The following MGAT5 variants were observed in gnomAD, a reference collection of about 807,000 sequenced individuals.
MGAT5 encodes alpha-1,6-mannosylglycoprotein 6-beta-N-acetylglucosaminyltransferase, also known as alpha-1,6-mannosylglycoprotein 6-beta-N-acetylglucosaminyltransferase A.
In MGAT5, 30 loss-of-function variants were observed where a neutral mutation model predicts 94.3. That is an observed-to-expected ratio of 0.32 (90% CI 0.24 to 0.43). The LOEUF (loss-of-function observed/expected upper bound fraction) is 0.43, where lower values mean the gene tolerates loss of function less well. Among genes scored for constraint, MGAT5 ranks in the 20% least tolerant of loss-of-function variants. MGAT5 has a pLI of 1.00. For synonymous variants in MGAT5, 310 were observed against 322.9 expected, an observed-to-expected ratio of 0.96 and a Z score of 0.43; for missense variants, 691 against 905.5, an observed-to-expected ratio of 0.76 and a Z score of 3.04.
chr2:134,201,937 A>G (rs1343721353), intron 1 of MGAT5, among the ~76,000 whole-genome samples: 1 of 149,970 alleles, frequency 6.7e-6, no homozygotes, highest in South Asian at 2.1e-4. Context: ...CAAAGATGCC[A>G]GGGTTTGGTA....
chr2:134,350,002 C>T lies in MGAT5; in HGVS notation c.1246+64C>T, dbSNP rs111342277. The T allele has an allele frequency of 6.6e-4, 1,041 of 1,578,454 alleles. 8 individuals carry two copies. The African/African-American group carries it at 0.012, about 18-fold the overall frequency. ...ACCAAAGATAGATGGGAAAATTAGCCGCCATCTATTTTGGGTTATGATTCT... is the reference window on the plus strand; with the variant it reads ...ACCAAAGATAGATGGGAAAATTAGCTGCCATCTATTTTGGGTTATGATTCT... On this transcript the variant is annotated intron_variant, in intron 9 of 15. Coordinates refer to ENST00000281923, the MANE Select transcript of MGAT5 (RefSeq NM_002410.5).
At chr2:134,286,356 C>A (rs1413153151) in intron 2 of MGAT5, among the ~76,000 whole-genome samples, 2 of 152,110 alleles carry the variant, frequency 1.3e-5, no homozygotes, top group Non-Finnish European at 2.9e-5. Flanking sequence ...ACATTTTCCC[C>A]TTTGTTGGTT....
At chr2:134,353,511 C>T (rs921881576) in intron 9 of MGAT5, among the ~76,000 whole-genome samples, 5 of 152,140 alleles carry the variant, frequency 3.3e-5, no homozygotes, top group African/African-American at 4.8e-5. Context: ...GGGTCACCTT[C>T]GCAAATTGCT....
chr2:134,413,692 G>A (rs1683800951), intron 12 of MGAT5, among the ~76,000 whole-genome samples: 1 of 152,210 alleles, frequency 6.6e-6, no homozygotes, highest in South Asian at 2.1e-4. Flanking sequence ...ATAGGTGTGT[G>A]CAAGAAACCA....
At chr2:134,387,330 ATATT>A (rs1373138581) in intron 10 of MGAT5, among the ~76,000 whole-genome samples, 2 of 39,376 alleles carry the variant, frequency 5.1e-5, no homozygotes, top group African/African-American at 1.5e-4. Context: ...ATATATATAT[ATATT>A]TTTTTTTTTT....
At chr2:134,205,991 A>G (rs1245613251) in intron 1 of MGAT5, among the ~76,000 whole-genome samples, 1 of 152,222 alleles carries the variant, frequency 6.6e-6, no homozygotes, top group Non-Finnish European at 1.5e-5. Flanking sequence ...CTGGAATGCT[A>G]GGAAAGCTAC....
intron 1 of MGAT5, among the ~76,000 whole-genome samples, chr2:134,195,696 G>A (rs965823251): frequency 3.9e-5 from 6 of 152,088 alleles, no homozygotes; most frequent in South Asian, 2.1e-4. Flanking sequence ...TTCACCTAGC[G>A]CCTTTTTAAC....
chr2:134,390,387 G>T (rs887635601), intron 10 of MGAT5, among the ~76,000 whole-genome samples: 1 of 152,078 alleles, frequency 6.6e-6, no homozygotes, highest in Admixed American at 6.5e-5. Context: ...TTTTTCTAGG[G>T]TACATGTGCA....
At chr2:134,264,222 A>G (rs969955079) in intron 1 of MGAT5, among the ~76,000 whole-genome samples, 1 of 152,026 alleles carries the variant, frequency 6.6e-6, no homozygotes, top group Non-Finnish European at 1.5e-5. Flanking sequence ...GGGTTTCTCC[A>G]TGTTGGTCAG....
chr2:134,349,681 G>A (rs1679246921), intron 8 of MGAT5, 124 bp from the exon 9 acceptor site: 41 of 1,056,124 alleles, frequency 3.9e-5, no homozygotes, highest in Non-Finnish European at 5.5e-5. Context: ...ATTCTTGTCT[G>A]GTCCTGCTTC....
At chr2:134,123,511 C>T (rs1307202561) in intron 1 of MGAT5, among the ~76,000 whole-genome samples, 5 of 152,304 alleles carry the variant, frequency 3.3e-5, no homozygotes, top group Non-Finnish European at 4.4e-5. Flanking sequence ...AGGCTTTAAG[C>T]GCAGTAGGGA....
rs537942921 is a variant in MGAT5, at chr2:134,380,476, G to A, written c.1380+18068G>A. Among the ~76,000 whole-genome samples the A allele has an allele frequency of 1.1e-4, 16 of 152,228 alleles. 2 individuals carry two copies. The highest frequency in any genetic ancestry group is 3.4e-4 in the African/African-American group (14 of 41,544). ...ATGCAAGTGGAGTGGTTAAGAAAAA[G>A]GGACATGGATTATAGGCAGACCCTC... On this transcript the variant is annotated intron_variant, in intron 10 of 15. Coordinates refer to ENST00000281923, the MANE Select transcript of MGAT5 (RefSeq NM_002410.5).
At chr2:134,158,404 G>A (rs1687578518) in intron 1 of MGAT5, among the ~76,000 whole-genome samples, 1 of 152,244 alleles carries the variant, frequency 6.6e-6, no homozygotes, top group African/African-American at 2.4e-5. Flanking sequence ...GGGCTGGCAT[G>A]TCAGCGCTGC....
chr2:134,382,926 A>G (rs1681724806), intron 10 of MGAT5, among the ~76,000 whole-genome samples: 1 of 152,250 alleles, frequency 6.6e-6, no homozygotes, highest in African/African-American at 2.4e-5. Context: ...ATTAACACAT[A>G]AACTGATGAA....
In MGAT5 at chr2:134,131,220, C is replaced by T. The variant is rs147469403; in HGVS notation, c.-143+10929C>T. On this transcript the variant is annotated intron_variant, in intron 1 of 16. Transcript: ENST00000409645. ...TCCGAACATCAGAAGGAACAAACTC[C>T]GGTCACGCTGCCTTTAAGAACCGTC... 7.7e-3 allele frequency among the ~76,000 whole-genome samples: 1,180 copies of T among 152,312 alleles called. 9 individuals carry two copies. Among genetic ancestry groups the T allele is most frequent in the African/African-American group, 0.021 (873 of 41,568 alleles).
chr2:134,373,717 C>G (rs1680969395), intron 10 of MGAT5, among the ~76,000 whole-genome samples: 1 of 152,142 alleles, frequency 6.6e-6, no homozygotes. Context: ...GTGCTCCTTC[C>G]AGTGTTCCCA....
intron 1 of MGAT5, among the ~76,000 whole-genome samples, chr2:134,139,810 T>C (rs1300512921): frequency 1.3e-5 from 2 of 152,134 alleles, no homozygotes; most frequent in Admixed American, 1.3e-4. Context: ...TGCCAGAGGA[T>C]GACATGCCAT....
At chr2:134,367,610 A>G (rs1037700365) in intron 10 of MGAT5, among the ~76,000 whole-genome samples, 1 of 152,224 alleles carries the variant, frequency 6.6e-6, no homozygotes, top group African/African-American at 2.4e-5. Context: ...TCCCAAGTAA[A>G]CCAGCTCTCT....
chr2:134,392,244 G>A, intron 10 of MGAT5, among the ~76,000 whole-genome samples: 1 of 152,168 alleles, frequency 6.6e-6, no homozygotes, highest in Admixed American at 6.5e-5. Flanking sequence ...TTTATTTGCA[G>A]CATTTTAGAT....
Sources: allele counts gnomAD v4.1 joint callset (sites outside exome capture counted in the v4.1 genomes callset), GRCh38; gene constraint gnomAD v4.1.1; transcripts MANE v1.5; gene names NCBI Gene and HGNC (gene_info 2026-07-23, HGNC 2026-07-21).